DEPTOR: variants seen among roughly 807,000 people sequenced by gnomAD.
DEPTOR encodes DEP domain-containing mTOR-interacting protein.
DEPTOR carries 41 observed loss-of-function variants against 41.6 expected under a neutral mutation model. The ratio of observed to expected loss-of-function variants is 0.98; its 90% CI spans 0.77 to 1.28. DEPTOR has a LOEUF of 1.28. Ranked by LOEUF, DEPTOR falls within the 50% of genes most tolerant of loss-of-function variation. DEPTOR has a pLI of 0.00. For synonymous variants in DEPTOR, 195 were observed against 192.3 expected (o/e 1.01, Z -0.12); for missense variants, 514 against 527.9 (o/e 0.97, Z 0.26).
intron 1 of DEPTOR, among the ~76,000 whole-genome samples, chr8:119,895,734 T>A (rs4871012): frequency 0.5 from 75,722 of 152,014 alleles, 20,589 homozygotes; most frequent in East Asian, 0.92. Context: ...GGGTCCCTCC[T>A]CAGCTGGCAT....
chr8:119,987,151 T>C (rs1828839368), intron 4 of DEPTOR, among the ~76,000 whole-genome samples: 1 of 152,186 alleles, frequency 6.6e-6, no homozygotes, highest in Non-Finnish European at 1.5e-5. Flanking sequence ...TGCTGGTTTT[T>C]CCTCATCTTT....
chr8:119,971,967 G>A (rs1196852582), intron 4 of DEPTOR, among the ~76,000 whole-genome samples: 2 of 152,292 alleles, frequency 1.3e-5, no homozygotes, highest in African/African-American at 4.8e-5. Flanking sequence ...TGCACCAGGT[G>A]GGCAAGGTCC....
chr8:120,020,325 C>T (rs1812681361), intron 8 of DEPTOR, among the ~76,000 whole-genome samples: 1 of 152,178 alleles, frequency 6.6e-6, no homozygotes, highest in African/African-American at 2.4e-5. Flanking sequence ...AAGTGATCCA[C>T]CTGCTTCAGT....
chr8:120,048,342 C>G (rs973140043), intron 8 of DEPTOR, among the ~76,000 whole-genome samples: 5 of 152,180 alleles, frequency 3.3e-5, no homozygotes, highest in African/African-American at 1.2e-4. Flanking sequence ...CAGGCTGATG[C>G]CTGCTAAATT....
At chr8:120,031,064 T>C (rs893113052) in intron 8 of DEPTOR, among the ~76,000 whole-genome samples, 1 of 152,180 alleles carries the variant, frequency 6.6e-6, no homozygotes, top group Non-Finnish European at 1.5e-5. Context: ...GCACAGTGAC[T>C]CATGCCTGTA....
At chr8:119,888,685 G>A (rs375217247) in intron 1 of DEPTOR, among the ~76,000 whole-genome samples, 6 of 151,954 alleles carry the variant, frequency 3.9e-5, no homozygotes, top group East Asian at 1.9e-4. Context: ...GTGAAACCCC[G>A]TCTCTACTAA....
At chr8:120,016,829 C>T (rs922265052) in intron 8 of DEPTOR, among the ~76,000 whole-genome samples, 1 of 151,998 alleles carries the variant, frequency 6.6e-6, no homozygotes, top group Non-Finnish European at 1.5e-5. Context: ...TTCTCGAACT[C>T]CTGACCTCAA....
intron 4 of DEPTOR, 99 bp from the exon 5 acceptor site, chr8:120,001,426 T>C (rs1270649762): frequency 3.6e-6 from 4 of 1,096,770 alleles, no homozygotes; most frequent in African/African-American, 3.1e-5. Context: ...AAGTCTTTCT[T>C]GAGACTTTTG....
chr8:119,898,332 T>C (rs1827546413), intron 1 of DEPTOR, among the ~76,000 whole-genome samples: 1 of 152,222 alleles, frequency 6.6e-6, no homozygotes, highest in Non-Finnish European at 1.5e-5. Context: ...AAGGAACATT[T>C]ACTAGAAATT....
chr8:119,965,683 A>C (rs1248333156), intron 4 of DEPTOR, among the ~76,000 whole-genome samples: 1 of 152,210 alleles, frequency 6.6e-6, no homozygotes, highest in Admixed American at 6.5e-5. Flanking sequence ...AGGTTCTTAT[A>C]GCGCTTCCAA....
intron 3 of DEPTOR, among the ~76,000 whole-genome samples, chr8:119,957,575 T>TC (rs2129945142): frequency 6.6e-6 from 1 of 151,086 alleles, no homozygotes; most frequent in African/African-American, 2.4e-5. Flanking sequence ...CCTTCTATTT[T>TC]TTTTTTCTTT....
At chr8:119,991,895 T>G (rs2130054319) in intron 4 of DEPTOR, among the ~76,000 whole-genome samples, 1 of 152,358 alleles carries the variant, frequency 6.6e-6, no homozygotes, top group South Asian at 2.1e-4. Flanking sequence ...TGATATCAGA[T>G]GCTTGGACTC....
At chr8:119,918,558 T>G (rs1009800197) in intron 1 of DEPTOR, among the ~76,000 whole-genome samples, 2 of 152,114 alleles carry the variant, frequency 1.3e-5, no homozygotes, top group African/African-American at 4.8e-5. Context: ...CCTCCTGGGT[T>G]CAAGTGATTC....
At chr8:119,924,002 C>A (rs1827932756) in intron 1 of DEPTOR, among the ~76,000 whole-genome samples, 1 of 151,076 alleles carries the variant, frequency 6.6e-6, no homozygotes, top group Non-Finnish European at 1.5e-5. Context: ...TTCAATCTGT[C>A]CATACTCTAT....
intron 3 of DEPTOR, among the ~76,000 whole-genome samples, chr8:119,931,031 G>A (rs905873258): frequency 1.2e-4 from 18 of 152,000 alleles, no homozygotes; most frequent in African/African-American, 4.4e-4. Context: ...GGCCAACATG[G>A]TGAAAGCCCG....
rs560551945 is a variant in DEPTOR at position 119,986,519 on chromosome 8, C to T, written c.605-15006C>T. ...GATTATGTGTCTTGGGGTTGCTCTT[C>T]TCGAGGAGTATCTTCGTTGTGTTCT... On this transcript the variant is annotated intron_variant, in intron 4 of 8. Coordinates refer to ENST00000286234, the MANE Select transcript of DEPTOR (RefSeq NM_022783.4). Among the ~76,000 whole-genome samples the T allele has an allele frequency of 1.2e-3, 187 of 152,188 alleles. 2 individuals carry two copies. Among genetic ancestry groups the T allele is most frequent in the South Asian group, 0.012 (59 of 4,816 alleles).
At chr8:119,891,844 A>C (rs1489127426) in intron 1 of DEPTOR, among the ~76,000 whole-genome samples, 3 of 152,226 alleles carry the variant, frequency 2.0e-5, no homozygotes, top group African/African-American at 7.2e-5. Context: ...AAGCTACTTG[A>C]GGAATAATTA....
At chr8:120,031,556 A>T (rs914408169) in intron 8 of DEPTOR, among the ~76,000 whole-genome samples, 1 of 151,964 alleles carries the variant, frequency 6.6e-6, no homozygotes, top group Non-Finnish European at 1.5e-5. Context: ...CTTCCATTTT[A>T]TCCATCACCT....
rs1177103228 is a variant in DEPTOR, at chr8:120,002,791, A to AATAT, written c.791-168_791-165dup. The stretch of plus-strand genomic sequence containing the variant: ...GACTCCATCTCAAAAAAAAAAAAAA[A>AATAT]ATATATATATATATATATATAATAT... On this transcript the variant is annotated intron_variant, in intron 5 of 8. Transcript: ENST00000286234. 1.0e-2 allele frequency among the ~76,000 whole-genome samples: 606 copies of AATAT among 60,630 alleles called. 37 individuals are homozygous for AATAT. The highest frequency in any genetic ancestry group is 0.04 in the Middle Eastern group (4 of 100). The allele number at this position is 60,630 out of a possible 152,430, so 39.8% of individuals were successfully genotyped here.
Sources: allele counts gnomAD v4.1 joint callset (sites outside exome capture counted in the v4.1 genomes callset), GRCh38; gene constraint gnomAD v4.1.1; transcripts MANE v1.5; gene names NCBI Gene and HGNC (gene_info 2026-07-23, HGNC 2026-07-21).